ANKRD39: variants seen among roughly 807,000 people sequenced by gnomAD.
ANKRD39 encodes the protein ankyrin repeat domain-containing protein 39.
A neutral mutation model predicts 20.3 loss-of-function variants in ANKRD39; 18 were observed. The ratio of observed to expected loss-of-function variants is 0.89; its 90% CI spans 0.61 to 1.32. The LOEUF is 1.32. Ranked by LOEUF, ANKRD39 falls within the 40% of genes most tolerant of loss-of-function variation. The pLI is 0.00. For missense variants in ANKRD39, 243 were observed against 250.7 expected, an observed-to-expected ratio of 0.97 and a Z score of 0.21; for synonymous variants, 106 against 111.9, an observed-to-expected ratio of 0.95 and a Z score of 0.33.
At chr2:96,848,477 AC>A (rs765211350) in intron 3 of ANKRD39, 33 bp from the exon 4 acceptor site, 133 of 1,609,990 alleles carry the variant, frequency 8.3e-5, no homozygotes, top group Non-Finnish European at 1.0e-4. Flanking sequence ...CAAAGGGCAT[AC>A]CCCCCCACTG....
chr2:96,857,457 C>T (rs991431716), intron 1 of ANKRD39, among the ~76,000 whole-genome samples: 4 of 152,226 alleles, frequency 2.6e-5, no homozygotes, highest in Non-Finnish European at 5.9e-5. Flanking sequence ...TGCAGGCTGC[C>T]TGGCACCCGG....
chr2:96,857,581 C>T (rs1212001225), intron 1 of ANKRD39, among the ~76,000 whole-genome samples: 1 of 152,264 alleles, frequency 6.6e-6, no homozygotes, highest in African/African-American at 2.4e-5. Flanking sequence ...CGGGCCCTCT[C>T]TCAAACACCT....
intron 3 of ANKRD39, among the ~76,000 whole-genome samples, chr2:96,849,560 G>A (rs2079826343): frequency 6.6e-6 from 1 of 152,146 alleles, no homozygotes; most frequent in Non-Finnish European, 1.5e-5. Flanking sequence ...TGAGGCACGA[G>A]AATCGCTTGA....
chr2:96,854,417 C>T lies in ANKRD39; in HGVS notation c.125G>A (p.Gly42Glu). The change falls in exon 2 of 4, where the codon GGA (glycine) becomes GAA (glutamate). Residue 42 changes from glycine to glutamate, a missense_variant. Physicochemically the swap from Gly to Glu is moderately conservative, Grantham distance 98. Coordinates refer to ENST00000393537, the MANE Select transcript of ANKRD39 (RefSeq NM_016466.6). ...TAAATGCTTCACTCGGCCCAGGTCT[C>T]CATTCAGGGCTGCCGACCAGATTCC... ...ERGIWSAALN[G>E]DLGRVKHLIQ... 3 of 1,614,188 alleles carry T rather than the reference C, an allele frequency of 1.9e-6. No homozygotes were observed. The highest frequency in any genetic ancestry group is 2.5e-6 in the Non-Finnish European group (3 of 1,180,032).
intron 2 of ANKRD39, among the ~76,000 whole-genome samples, chr2:96,854,042 G>A (rs2079851525): frequency 6.6e-6 from 1 of 152,178 alleles, no homozygotes; most frequent in South Asian, 2.1e-4. Context: ...CAGGAGAATC[G>A]CTTGAACCTG....
chr2:96,852,512 C>CAA (rs1440837982), intron 3 of ANKRD39, among the ~76,000 whole-genome samples: 159 of 59,236 alleles, frequency 2.7e-3, no homozygotes, highest in African/African-American at 7.1e-3. Flanking sequence ...ACAAAAAAGA[C>CAA]AAAAAAAAAA....
chr2:96,850,981 T>C (rs1032830685), intron 3 of ANKRD39, among the ~76,000 whole-genome samples: 8 of 152,174 alleles, frequency 5.3e-5, no homozygotes, highest in African/African-American at 1.9e-4. Flanking sequence ...CTATGCTAAG[T>C]GCTAAGGCTG....
intron 1 of ANKRD39, among the ~76,000 whole-genome samples, chr2:96,856,338 G>C (rs1046133767): frequency 6.6e-6 from 1 of 151,918 alleles, no homozygotes; most frequent in Non-Finnish European, 1.5e-5. Context: ...GCCGGGCGTC[G>C]TGGCACACGC....
At chr2:96,851,755 G>A (rs1251234460) in intron 3 of ANKRD39, among the ~76,000 whole-genome samples, 6 of 152,166 alleles carry the variant, frequency 3.9e-5, no homozygotes, top group Non-Finnish European at 7.3e-5. Context: ...GATCAGGAAA[G>A]GCTCTCGTGG....
chr2:96,856,821 G>A (rs1176540581), intron 1 of ANKRD39, among the ~76,000 whole-genome samples: 1 of 152,210 alleles, frequency 6.6e-6, no homozygotes, highest in Non-Finnish European at 1.5e-5. Flanking sequence ...ACGGTTGTAG[G>A]AAGTTCATTC....
At chr2:96,851,376 G>T (rs1415637641) in intron 3 of ANKRD39, among the ~76,000 whole-genome samples, 2 of 151,972 alleles carry the variant, frequency 1.3e-5, no homozygotes, top group Non-Finnish European at 2.9e-5. Context: ...GGCTGGTCTT[G>T]AACTCCCGAC....
Position 96,848,452 on chromosome 2 carries a change from G to A in ANKRD39, c.409-8C>T, listed in dbSNP as rs1220477823. 2.5e-6 allele frequency: 4 copies of A among 1,613,652 alleles called. No individual in the cohort carries two copies. Among genetic ancestry groups the A allele is most frequent in the East Asian group, 2.2e-5 (1 of 44,888 alleles). On this transcript the variant is annotated splice_region_variant and splice_polypyrimidine_tract_variant and intron_variant, in intron 3 of 3. Transcript: ENST00000393537. ...GTGACCCCTCTCAGCAGCCTGTGGA[G>A]AGAAAGGCTGGAATCAAAGGGCATA...
Position 96,853,549 on chromosome 2 carries a change from C to G in ANKRD39, c.260G>C (p.Gly87Ala). The change falls in exon 3 of 4, where the codon GGA (glycine) becomes GCA (alanine). Residue 87 changes from glycine (G) to alanine (A), a missense_variant. Physicochemically the swap from Gly to Ala is moderately conservative, Grantham distance 60. Transcript: ENST00000393537. ...GTGGGTCTGGGCATCACACTTAGCT[C>G]CGCTTTCCAGCAGGAACTGGCACAC... is the stretch of plus-strand genomic sequence containing the variant. The part of the protein sequence containing the change: ...YAVCQFLLES[G>A]AKCDAQTHGG... 1 of 1,613,024 alleles carries G rather than the reference C, an allele frequency of 6.2e-7. No homozygotes were observed. Among genetic ancestry groups the G allele is most frequent in the Non-Finnish European group, 8.5e-7 (1 of 1,179,992 alleles).
Position 96,853,581 on chromosome 2 carries a change from G to A in ANKRD39, c.228C>T (p.His76=). ...CCAGCAGGAACTGGCACACAGCGTA[G>A]TGCCCATTGCGGCTGGCATAGTGCT... ...TALHYASRNG[H]YAVCQFLLES... is the part of the protein sequence containing the mutation. The change falls in exon 3 of 4, where the codon CAC becomes CAT. Residue 76 remains histidine (H), a synonymous_variant. Transcript: ENST00000393537. The A allele has an allele frequency of 6.2e-7, 1 of 1,612,338 alleles. No individual in the cohort carries two copies. Among genetic ancestry groups the A allele is most frequent in the Non-Finnish European group, 8.5e-7 (1 of 1,179,972 alleles).
chr2:96,854,282 G>GGTGTCTCCTGAGTTAACGCTT lies in ANKRD39; in HGVS notation c.204+35_204+55dup. The GGTGTCTCCTGAGTTAACGCTT allele has an allele frequency of 2.6e-6, 4 of 1,530,964 alleles. No homozygotes were observed. In the South Asian group the frequency reaches 4.6e-5, roughly 18 times the overall value. The allele number at this position is 1,530,964 out of a possible 1,614,324, so 94.8% of individuals were successfully genotyped here. ...CATCAGTCCCCCTCCTCAGAGAGCAGGTGTCTCCTGAGTTAACGCTTCTGT... is the reference window on the plus strand; with the variant it reads ...CATCAGTCCCCCTCCTCAGAGAGCAGGTGTCTCCTGAGTTAACGCTTGTGTCTCCTGAGTTAACGCTTCTGT... On this transcript the variant is annotated intron_variant, in intron 2 of 3. Transcript: ENST00000393537.
At chr2:96,853,765 CTGAG>C (rs1345270379) in intron 2 of ANKRD39, among the ~76,000 whole-genome samples, 161 bp from the exon 3 acceptor site, 2 of 152,210 alleles carry the variant, frequency 1.3e-5, no homozygotes, top group Non-Finnish European at 2.9e-5. Flanking sequence ...CGTGACTAAC[CTGAG>C]TTTGTTCAAT....
chr2:96,855,103 G>A (rs1340127720), intron 1 of ANKRD39, among the ~76,000 whole-genome samples: 1 of 152,214 alleles, frequency 6.6e-6, no homozygotes, highest in Non-Finnish European at 1.5e-5. Flanking sequence ...AGTTCGGGGA[G>A]TTCAGGGTGG....
At chr2:96,857,342 CT>C (rs1420068677) in intron 1 of ANKRD39, among the ~76,000 whole-genome samples, 1 of 152,232 alleles carries the variant, frequency 6.6e-6, no homozygotes, top group Non-Finnish European at 1.5e-5. Flanking sequence ...ACCATAATCT[CT>C]GTATAATCTG....
intron 1 of ANKRD39, among the ~76,000 whole-genome samples, chr2:96,855,896 C>A (rs1009642710): frequency 5.3e-5 from 8 of 152,002 alleles, no homozygotes; most frequent in African/African-American, 1.9e-4. Context: ...AGGAGAATGG[C>A]GTGAACCTGG....
Sources: allele counts gnomAD v4.1 joint callset (sites outside exome capture counted in the v4.1 genomes callset), GRCh38; gene constraint gnomAD v4.1.1; transcripts MANE v1.5; gene names NCBI Gene and HGNC (gene_info 2026-07-23, HGNC 2026-07-21).